Variants in MTUS2 observed in about 807,000 individuals in gnomAD.
MTUS2 encodes the protein microtubule-associated tumor suppressor candidate 2.
MTUS2 carries 40 observed loss-of-function variants against 114.1 expected under a neutral mutation model. That is an observed-to-expected ratio of 0.35 (90% CI 0.27 to 0.46). MTUS2 has a LOEUF of 0.46. Ranked by LOEUF, MTUS2 falls within the 20% of genes least tolerant of loss-of-function variation. MTUS2 has a pLI of 1.00. For synonymous variants in MTUS2, 688 were observed against 672.0 expected (o/e 1.02, Z -0.37); for missense variants, 1,679 against 1,705.4 (o/e 0.98, Z 0.27).
chr13:29,207,243 A>G (rs1428248313), intron 5 of MTUS2, among the ~76,000 whole-genome samples: 1 of 152,158 alleles, frequency 6.6e-6, no homozygotes, highest in Non-Finnish European at 1.5e-5. Flanking sequence ...CTGTTGGTGT[A>G]TAGCAGTGCT....
At chr13:29,468,157 G>A (rs576289130) in intron 9 of MTUS2, among the ~76,000 whole-genome samples, 1 of 152,088 alleles carries the variant, frequency 6.6e-6, no homozygotes, top group East Asian at 1.9e-4. Flanking sequence ...TACATAAAAT[G>A]GCCAAGTATT....
chr13:29,254,660 A>T (rs567283701), intron 5 of MTUS2, among the ~76,000 whole-genome samples: 1 of 152,378 alleles, frequency 6.6e-6, no homozygotes, highest in East Asian at 1.9e-4. Flanking sequence ...TCTTGGCTTA[A>T]AAGTAAGCTC....
chr13:28,824,828 CTTA>C (rs1459247803), intron 1 of MTUS2, among the ~76,000 whole-genome samples: 1 of 152,122 alleles, frequency 6.6e-6, no homozygotes, highest in African/African-American at 2.4e-5. Flanking sequence ...AGGTTAAGTA[CTTA>C]ATATATCAGG....
chr13:28,967,330 A>G (rs1305463421), intron 2 of MTUS2, among the ~76,000 whole-genome samples: 3 of 152,256 alleles, frequency 2.0e-5, no homozygotes, highest in South Asian at 4.1e-4. Flanking sequence ...GAAATGATCT[A>G]CTCATCAGGA....
rs1210917188 is a variant in MTUS2 at position 29,409,228 on chromosome 13, A to C, written c.3118-30755A>C. Among the ~76,000 whole-genome samples the C allele has an allele frequency of 2.6e-5, 4 of 152,292 alleles. No individual in the cohort carries two copies. In the East Asian group the frequency reaches 5.8e-4, roughly 22 times the overall value. On this transcript the variant is annotated intron_variant, in intron 8 of 15. Coordinates refer to ENST00000612955, the MANE Select transcript of MTUS2 (RefSeq NM_001033602.4). ...CTACTCGGGAGGCTGAGGCAGGAGA[A>C]TCACTTGAACCCAAGAGGCAGAGGT...
intron 5 of MTUS2, among the ~76,000 whole-genome samples, chr13:29,151,403 T>G (rs1892659256): frequency 6.6e-6 from 1 of 152,210 alleles, no homozygotes; most frequent in Non-Finnish European, 1.5e-5. Flanking sequence ...TTCAGAAACT[T>G]TAATGAAGAT....
chr13:28,948,421 G>A (rs541961893), intron 2 of MTUS2, among the ~76,000 whole-genome samples: 37 of 152,148 alleles, frequency 2.4e-4, no homozygotes, highest in African/African-American at 7.7e-4. Context: ...ATCCTTTAGG[G>A]CTGCTAAAAA....
chr13:29,432,386 G>A (rs532323197), intron 8 of MTUS2, among the ~76,000 whole-genome samples: 1 of 152,280 alleles, frequency 6.6e-6, no homozygotes, highest in South Asian at 2.1e-4. Context: ...GCTGATGATT[G>A]TTAGAATTGT....
At chr13:28,988,818 A>C (rs1443999065) in intron 2 of MTUS2, among the ~76,000 whole-genome samples, 1 of 152,194 alleles carries the variant, frequency 6.6e-6, no homozygotes, top group Non-Finnish European at 1.5e-5. Flanking sequence ...TAAAAACTAG[A>C]GAAGGCTTTG....
intron 6 of MTUS2, chr13:29,307,467 C>T: frequency 7.5e-7 from 1 of 1,332,978 alleles, no homozygotes. Flanking sequence ...AGCTCACTGG[C>T]ATGGCCTTCT....
chr13:29,495,335 G>A (rs1327524804), intron 12 of MTUS2, among the ~76,000 whole-genome samples: 1 of 140,552 alleles, frequency 7.1e-6, no homozygotes, highest in East Asian at 2.1e-4. Context: ...TCCAACCTGG[G>A]TGACAGAGTG....
At position 28,996,283 on chromosome 13, in the gene MTUS2, A is replaced by T. The variant is rs202203793; in HGVS notation, c.-242-28174A>T. On this transcript the variant is annotated intron_variant, in intron 2 of 15. Transcript: ENST00000612955. ...ATGGTGGATAAGCTTTTTGATGTGT[A>T]GCTGGATTCCGTTTGCCAGTGTTTT... Among the ~76,000 whole-genome samples, 73 of 152,234 alleles carry T rather than the reference A, an allele frequency of 4.8e-4. No homozygotes were observed. The East Asian group carries it at 0.012, about 26-fold the overall frequency.
chr13:29,435,948 T>C (rs1222317556), intron 8 of MTUS2, among the ~76,000 whole-genome samples: 1 of 152,096 alleles, frequency 6.6e-6, no homozygotes, highest in African/African-American at 2.4e-5. Context: ...ACAACTACTC[T>C]CTCAGAAGTT....
At chr13:29,059,575 G>C (rs752957070) in intron 4 of MTUS2, among the ~76,000 whole-genome samples, 5 of 152,090 alleles carry the variant, frequency 3.3e-5, no homozygotes, top group Non-Finnish European at 5.9e-5. Context: ...TGTGAGAGGC[G>C]AGGGTGGGTG....
At chr13:28,921,772 A>G (rs1881054129) in intron 2 of MTUS2, among the ~76,000 whole-genome samples, 1 of 152,102 alleles carries the variant, frequency 6.6e-6, no homozygotes, top group Non-Finnish European at 1.5e-5. Flanking sequence ...TGTGGGTGCT[A>G]GCTGAGCCCA....
intron 2 of MTUS2, among the ~76,000 whole-genome samples, chr13:28,893,991 CAT>C (rs985775693): frequency 1.9e-4 from 29 of 151,998 alleles, no homozygotes; most frequent in African/African-American, 6.3e-4. Context: ...GCAAAAGGCA[CAT>C]AGAGTGAGTT....
At chr13:29,196,098 A>AT (rs10708933) in intron 5 of MTUS2, among the ~76,000 whole-genome samples, 1,878 of 143,850 alleles carry the variant, frequency 0.013, 14 homozygotes, top group African/African-American at 0.014. Flanking sequence ...ACTACTGCAG[A>AT]TTTTTTTTTT....
At chr13:28,961,872 T>G (rs1883344743) in intron 2 of MTUS2, among the ~76,000 whole-genome samples, 1 of 152,120 alleles carries the variant, frequency 6.6e-6, no homozygotes. Flanking sequence ...TGTTTGGTTA[T>G]TTTGGTGGTT....
intron 6 of MTUS2, among the ~76,000 whole-genome samples, chr13:29,299,497 G>A (rs1899097879): frequency 6.6e-6 from 1 of 152,184 alleles, no homozygotes; most frequent in South Asian, 2.1e-4. Flanking sequence ...AGAGCAACAT[G>A]AAACTTGTAC....
Sources: gnomAD v4.1 joint callset for allele counts (sites outside exome capture counted in the v4.1 genomes callset) on GRCh38, gnomAD v4.1.1 for gene constraint, MANE v1.5 for transcripts, NCBI Gene and HGNC (gene_info 2026-07-23, HGNC 2026-07-21) for gene names.